Variants in CHID1 observed in about 807,000 individuals in gnomAD.
CHID1 encodes the protein chitinase domain containing 1, also known as chitinase domain-containing protein 1.
CHID1 carries 44 observed loss-of-function variants against 55.4 expected under a neutral mutation model. The ratio of observed to expected loss-of-function variants is 0.79; its 90% CI spans 0.62 to 1.02. The LOEUF is 1.02. Among genes scored for constraint, CHID1 ranks in the 50% least tolerant of loss-of-function variants. The probability of loss-of-function intolerance (pLI) is 0.00; values close to 1 mark genes in which losing one functional copy is unlikely to be tolerated. For missense variants in CHID1, 491 were observed against 515.3 expected (o/e 0.95, Z 0.46); for synonymous variants, 216 against 212.9 (o/e 1.01, Z -0.13).
At chr11:900,585 T>C (rs542842925) in intron 5 of CHID1, among the ~76,000 whole-genome samples, 144 of 152,026 alleles carry the variant, frequency 9.5e-4, no homozygotes, top group Non-Finnish European at 1.3e-3. Context: ...TGGGCCAGGG[T>C]CAGCATCACC....
chr11:890,118 G>A (rs1399437912), intron 8 of CHID1, among the ~76,000 whole-genome samples: 1 of 152,214 alleles, frequency 6.6e-6, no homozygotes, highest in African/African-American at 2.4e-5. Flanking sequence ...TCCTCAGCCT[G>A]CAGGCCTAGC....
At chr11:904,619 C>T (rs572756541) in intron 2 of CHID1, 87 bp downstream of exon 2, 2 of 1,524,816 alleles carry the variant, frequency 1.3e-6, no homozygotes, top group African/African-American at 1.4e-5. Flanking sequence ...AGCCTCCTGG[C>T]TCACAGGCCC....
chr11:884,219 C>T (rs377704138), intron 8 of CHID1, 50 bp from the exon 9 acceptor site: 31 of 1,467,612 alleles, frequency 2.1e-5, no homozygotes, highest in South Asian at 2.1e-4. Flanking sequence ...CTGCCTGAAG[C>T]CCCTCCCCAG....
intron 4 of CHID1, among the ~76,000 whole-genome samples, chr11:901,270 G>C (rs1851788621): frequency 6.6e-6 from 1 of 152,190 alleles, no homozygotes; most frequent in South Asian, 2.1e-4. Context: ...CCGGCCAGGG[G>C]AACAGGCAGC....
At chr11:870,535 C>A (rs757784000) in intron 10 of CHID1, 36 bp from the exon 11 acceptor site, 3 of 1,461,704 alleles carry the variant, frequency 2.1e-6, no homozygotes, top group Non-Finnish European at 9.5e-7. Context: ...GGAGCCCACC[C>A]AGCTCCCCCA....
chr11:909,485 C>T (rs946194440), intron 1 of CHID1, among the ~76,000 whole-genome samples: 4 of 152,218 alleles, frequency 2.6e-5, no homozygotes, highest in Admixed American at 1.3e-4. Flanking sequence ...CCAGGACCTC[C>T]TCGGTGGTGT....
intron 8 of CHID1, among the ~76,000 whole-genome samples, chr11:891,956 A>ACC (rs1850861042): frequency 6.6e-6 from 1 of 151,582 alleles, no homozygotes; most frequent in African/African-American, 2.4e-5. Context: ...AAAAAAAAAA[A>ACC]AAAACACAAA....
chr11:869,906 A>G lies in CHID1; in HGVS notation c.1134T>C (p.Ser378=), dbSNP rs757477413. Residue 378 remains serine, a synonymous_variant, in exon 13 of 13, where the codon TCT becomes TCC. Coordinates refer to ENST00000323578, the MANE Select transcript of CHID1 (RefSeq NM_023947.4). ...ELARELGVGV[S]IWELGQGLDY... ...CCAGGCCCTGGCCCAGCTCCCAGAT[A>G]GAGACCCCAACGCCCAGCTCCCGGG... is the stretch of plus-strand genomic sequence containing the variant. 2 of 1,612,776 alleles carry G rather than the reference A, an allele frequency of 1.2e-6. No homozygotes were observed. Among genetic ancestry groups the G allele is most frequent in the Non-Finnish European group, 1.7e-6 (2 of 1,179,904 alleles).
At position 902,994 on chromosome 11, in the gene CHID1, AGTG is replaced by A. The variant is rs745813284; in HGVS notation, c.226_228del (p.His76del). 1.9e-6 allele frequency: 3 copies of A among 1,613,988 alleles called. No homozygotes were observed. The highest frequency in any genetic ancestry group is 2.5e-6 in the Non-Finnish European group (3 of 1,179,994). On this transcript the variant is annotated inframe_deletion, in exon 3 of 13. Transcript: ENST00000323578. ...ACATAGCCCAGTACATCCCCAGCAA[AGTG>A]TCTGTCCCGGGCCTTTGCCGAGCAG... is the stretch of plus-strand genomic sequence containing the variant.
rs1852609169 is a variant in CHID1, at chr11:910,717, G to A, written c.-44+58C>T. The A allele has an allele frequency of 4.0e-6, 5 of 1,252,216 alleles. No homozygotes were observed. The African/African-American group carries it at 6.4e-5, about 16-fold the overall frequency. The allele number at this position is 1,252,216 out of a possible 1,614,324, so 77.6% of individuals were successfully genotyped here. A position where few individuals can be genotyped will look rare whatever the true frequency, so the allele number is the denominator to read the frequency against. Reference sequence around the variant, plus strand: ...GCTGCCCGGCGCGCCCACTTTGCGGGAGGGAAACTGAGGCCGTGCAAGGAG... The same window carrying A: ...GCTGCCCGGCGCGCCCACTTTGCGGAAGGGAAACTGAGGCCGTGCAAGGAG... On this transcript the variant is annotated intron_variant, in intron 1 of 12. Coordinates refer to ENST00000323578, the MANE Select transcript of CHID1 (RefSeq NM_023947.4).
chr11:886,676 C>T (rs1850421825), intron 8 of CHID1, among the ~76,000 whole-genome samples: 3 of 152,238 alleles, frequency 2.0e-5, no homozygotes, highest in Non-Finnish European at 4.4e-5. Context: ...GTGCCGACTG[C>T]ACCAGGAAGA....
chr11:878,029 C>G (rs1215751983), intron 10 of CHID1, among the ~76,000 whole-genome samples: 2 of 152,250 alleles, frequency 1.3e-5, no homozygotes, highest in Non-Finnish European at 2.9e-5. Context: ...CACGGACACC[C>G]TGCACCACCT....
intron 10 of CHID1, among the ~76,000 whole-genome samples, chr11:878,039 T>C (rs1849637482): frequency 6.6e-6 from 1 of 152,240 alleles, no homozygotes; most frequent in South Asian, 2.1e-4. Flanking sequence ...CTGCACCACC[T>C]CCGGACTCTT....
At chr11:900,508 T>C (rs572005994) in intron 5 of CHID1, among the ~76,000 whole-genome samples, 2 of 152,298 alleles carry the variant, frequency 1.3e-5, no homozygotes, top group Non-Finnish European at 2.9e-5. Context: ...CCACTGCCTC[T>C]GAGGCTGCTA....
chr11:913,520 C>T (rs1376117970), upstream of CHID1, among the ~76,000 whole-genome samples: 1 of 151,894 alleles, frequency 6.6e-6, no homozygotes, highest in South Asian at 2.1e-4. Flanking sequence ...CACCTGTAAT[C>T]CCAGCACTTT....
At chr11:908,561 G>A in intron 1 of CHID1, 4 of 985,222 alleles carry the variant, frequency 4.1e-6, no homozygotes, top group Non-Finnish European at 4.8e-6. Flanking sequence ...CTGAAACGGT[G>A]GCTGCCTCAG....
chr11:881,267 G>C (rs1849893903), intron 10 of CHID1, among the ~76,000 whole-genome samples: 1 of 151,828 alleles, frequency 6.6e-6, no homozygotes. Flanking sequence ...CACATAGTGA[G>C]ACCCCCATCT....
At position 869,961 on chromosome 11, in the gene CHID1, G is replaced by A. The variant is rs750652235; in HGVS notation, c.1084-5C>T. ...CTCCAGCCGCACCTGCAGGGACTGG[G>A]CACAGATGGAGGTGTGAGCACCTGC... is the stretch of plus-strand genomic sequence containing the variant. On this transcript the variant is annotated splice_region_variant and splice_polypyrimidine_tract_variant and intron_variant, in intron 12 of 12. Transcript: ENST00000323578. 1.9e-6 allele frequency: 3 copies of A among 1,612,552 alleles called. No individual in the cohort carries two copies. The African/African-American group carries it at 4.0e-5, about 21-fold the overall frequency.
upstream of CHID1, chr11:914,162 T>A (rs950195267): frequency 6.3e-6 from 1 of 158,362 alleles, no homozygotes; most frequent in Non-Finnish European, 1.4e-5. Context: ...ATAAATTGGG[T>A]TTTGAATTTC....
Sources: gnomAD v4.1 joint callset for allele counts (sites outside exome capture counted in the v4.1 genomes callset) on GRCh38, gnomAD v4.1.1 for gene constraint, MANE v1.5 for transcripts, NCBI Gene and HGNC (gene_info 2026-07-23, HGNC 2026-07-21) for gene names.